SPOCK3: variants seen among roughly 807,000 people sequenced by gnomAD.
SPOCK3 encodes testican-3.
A neutral mutation model predicts 56.6 loss-of-function variants in SPOCK3; 30 were observed. The observed-to-expected ratio is 0.53, with a 90% CI of 0.40 to 0.72. The LOEUF is 0.72. SPOCK3 is among the 30% of genes least tolerant of loss of function. The pLI is 0.00. For synonymous variants in SPOCK3, 196 were observed against 183.3 expected (o/e 1.07, Z -0.56); for missense variants, 527 against 530.0 (o/e 0.99, Z 0.06).
In SPOCK3 at chr4:166,806,610, A is replaced by G. The variant is rs563384867; in HGVS notation, c.590-14321T>C. ...CTTAAACACTATTTGTCCTACATAT[A>G]TATCAAATATGTGAATGTATTATGT... On this transcript the variant is annotated intron_variant, in intron 6 of 10. Transcript: ENST00000357545. 5.3e-5 allele frequency among the ~76,000 whole-genome samples: 8 copies of G among 152,210 alleles called. No homozygotes were observed. The South Asian group carries it at 1.4e-3, about 28-fold the overall frequency.
chr4:166,930,011 G>T (rs1227126721), intron 4 of SPOCK3, among the ~76,000 whole-genome samples: 1 of 152,016 alleles, frequency 6.6e-6, no homozygotes, highest in Non-Finnish European at 1.5e-5. Flanking sequence ...TTCAAATGAG[G>T]AAAATGAACC....
chr4:166,903,450 G>C, intron 5 of SPOCK3, among the ~76,000 whole-genome samples: 1 of 151,900 alleles, frequency 6.6e-6, no homozygotes, highest in East Asian at 1.9e-4. Flanking sequence ...ATTACCCCAT[G>C]CTACTGGAAG....
intron 2 of SPOCK3, among the ~76,000 whole-genome samples, chr4:167,065,053 A>AAAAAAAAAAAAAAAAAAAAAAAAAAAT (rs1755988954): frequency 6.7e-6 from 1 of 150,140 alleles, no homozygotes; most frequent in African/African-American, 2.5e-5. Flanking sequence ...AAAAAAAAAA[A>AAAAAAAAAAAAAAAAAAAAAAAAAAAT]AAAAAAAGTC....
At chr4:167,228,132 A>G (rs1437589885) in intron 2 of SPOCK3, among the ~76,000 whole-genome samples, 4 of 152,132 alleles carry the variant, frequency 2.6e-5, no homozygotes, top group Admixed American at 1.3e-4. Flanking sequence ...GTTATGTGTA[A>G]TAACTATACA....
At chr4:167,175,685 G>A (rs2150477930) in intron 2 of SPOCK3, among the ~76,000 whole-genome samples, 1 of 152,192 alleles carries the variant, frequency 6.6e-6, no homozygotes, top group Admixed American at 6.6e-5. Context: ...GCATCTATGA[G>A]CTAAACAGAG....
At chr4:167,156,852 G>T (rs1158003102) in intron 2 of SPOCK3, among the ~76,000 whole-genome samples, 1 of 152,044 alleles carries the variant, frequency 6.6e-6, no homozygotes, top group African/African-American at 2.4e-5. Context: ...AAATTACAGG[G>T]CAAGATTTAA....
At chr4:167,108,325 A>T (rs978726017) in intron 2 of SPOCK3, among the ~76,000 whole-genome samples, 4 of 151,972 alleles carry the variant, frequency 2.6e-5, no homozygotes, top group African/African-American at 9.7e-5. Context: ...AAAGAAAGGA[A>T]ATCAGTATAT....
At chr4:166,950,993 A>C (rs1417739453) in intron 4 of SPOCK3, among the ~76,000 whole-genome samples, 1 of 126,302 alleles carries the variant, frequency 7.9e-6, no homozygotes, top group Non-Finnish European at 1.6e-5. Flanking sequence ...GGAAGGATCC[A>C]AAATTGACAC....
intron 8 of SPOCK3, among the ~76,000 whole-genome samples, chr4:166,746,088 A>T (rs547955406): frequency 5.3e-5 from 8 of 152,312 alleles, no homozygotes; most frequent in African/African-American, 1.9e-4. Context: ...TGACACAGAA[A>T]GTTAACAAAG....
At chr4:166,931,715 C>T (rs1406552636) in intron 4 of SPOCK3, among the ~76,000 whole-genome samples, 2 of 152,140 alleles carry the variant, frequency 1.3e-5, no homozygotes, top group Non-Finnish European at 2.9e-5. Context: ...CTCTAAAGTT[C>T]ATTTCCCAAG....
chr4:166,948,859 C>T (rs1742129503), intron 4 of SPOCK3, among the ~76,000 whole-genome samples: 3 of 151,986 alleles, frequency 2.0e-5, no homozygotes, highest in Admixed American at 2.0e-4. Flanking sequence ...TTGTGGCGTT[C>T]TCTGTATTTC....
At chr4:167,071,422 G>T (rs1756669177) in intron 2 of SPOCK3, among the ~76,000 whole-genome samples, 1 of 151,176 alleles carries the variant, frequency 6.6e-6, no homozygotes, top group Non-Finnish European at 1.5e-5. Flanking sequence ...ACCGGTGTGT[G>T]ATGTTCCCCA....
At chr4:166,955,331 A>G (rs919234249) in intron 4 of SPOCK3, among the ~76,000 whole-genome samples, 2 of 151,042 alleles carry the variant, frequency 1.3e-5, no homozygotes, top group African/African-American at 4.8e-5. Context: ...CTAATTTGCC[A>G]TTCCTATAGG....
chr4:166,859,624 C>T (rs1386670790), intron 6 of SPOCK3, among the ~76,000 whole-genome samples: 2 of 151,976 alleles, frequency 1.3e-5, no homozygotes, highest in East Asian at 1.9e-4. Flanking sequence ...TTAGAAAATT[C>T]ACGTGTCTTA....
At chr4:167,152,773 T>G (rs1473274792) in intron 2 of SPOCK3, among the ~76,000 whole-genome samples, 1 of 152,198 alleles carries the variant, frequency 6.6e-6, no homozygotes, top group Non-Finnish European at 1.5e-5. Flanking sequence ...TCCAAAGTAG[T>G]AATCCACTCT....
At chr4:166,863,749 T>A (rs1368860131) in intron 6 of SPOCK3, among the ~76,000 whole-genome samples, 1 of 152,074 alleles carries the variant, frequency 6.6e-6, no homozygotes, top group Non-Finnish European at 1.5e-5. Context: ...CCTAAATATA[T>A]ATGCATCCAA....
chr4:167,160,960 A>T (rs1352225639), intron 2 of SPOCK3, among the ~76,000 whole-genome samples: 7 of 152,290 alleles, frequency 4.6e-5, no homozygotes, highest in Admixed American at 2.0e-4. Flanking sequence ...AACCTAGGCA[A>T]TACCATTCAG....
At chr4:166,753,396 T>A in intron 8 of SPOCK3, among the ~76,000 whole-genome samples, 1 of 151,980 alleles carries the variant, frequency 6.6e-6, no homozygotes, top group Non-Finnish European at 1.5e-5. Flanking sequence ...CAACAATGTG[T>A]GTTTGTGTGT....
At chr4:166,751,240 AGAAT>A (rs1471045956) in intron 8 of SPOCK3, among the ~76,000 whole-genome samples, 2 of 152,222 alleles carry the variant, frequency 1.3e-5, no homozygotes, top group Admixed American at 6.6e-5. Flanking sequence ...TCTTTTAAAA[AGAAT>A]GAATTAATCC....
Sources: gnomAD v4.1 joint callset for allele counts (sites outside exome capture counted in the v4.1 genomes callset) on GRCh38, gnomAD v4.1.1 for gene constraint, MANE v1.5 for transcripts, NCBI Gene and HGNC (gene_info 2026-07-23, HGNC 2026-07-21) for gene names.